Variants in NPSR1 observed in about 807,000 individuals in gnomAD.
NPSR1 encodes the protein neuropeptide S receptor.
A neutral mutation model predicts 46.9 loss-of-function variants in NPSR1; 48 were observed. The ratio of observed to expected loss-of-function variants is 1.02; its 90% CI spans 0.81 to 1.30. The LOEUF (loss-of-function observed/expected upper bound fraction) is 1.30, where lower values mean the gene tolerates loss of function less well. Ranked by LOEUF, NPSR1 falls within the 50% of genes most tolerant of loss-of-function variation. The pLI, the probability that NPSR1 is intolerant of heterozygous loss-of-function variation, is 0.00. For synonymous variants in NPSR1, 176 were observed against 168.1 expected, an observed-to-expected ratio of 1.05 and a Z score of -0.36; for missense variants, 450 against 449.5, an observed-to-expected ratio of 1.00 and a Z score of -0.01.
intron 2 of NPSR1, chr7:34,752,075 G>A: frequency 1.6e-6 from 1 of 609,596 alleles, no homozygotes; most frequent in African/African-American, 1.8e-5. Flanking sequence ...TGCAACCGGT[G>A]ACGGGGAGAA....
intron 3 of NPSR1, 65 bp from the exon 4 acceptor site, chr7:34,811,705 C>A: frequency 8.9e-7 from 1 of 1,124,824 alleles, no homozygotes; most frequent in Non-Finnish European, 1.3e-6. Flanking sequence ...AGGTGCTATT[C>A]TTTCCATTAT....
chr7:34,869,580 T>C lies in NPSR1; in HGVS notation c.1026-8496T>C, dbSNP rs964385003. Among the ~76,000 whole-genome samples, 6 of 151,720 alleles carry C rather than the reference T, an allele frequency of 4.0e-5. 1 individual carries two copies. The highest frequency in any genetic ancestry group is 1.5e-4 in the African/African-American group (6 of 41,008). The stretch of plus-strand genomic sequence containing the variant: ...AGGGCCCTCCTTACCTCTAGCAATG[T>C]TCCCGGACTTCCTATACCCTTGGGG... On this transcript the variant is annotated intron_variant, in intron 8 of 8. Coordinates refer to the NPSR1 transcript ENST00000359791.
chr7:34,779,602 T>G (rs1375396137), intron 3 of NPSR1: 2 of 1,275,096 alleles, frequency 1.6e-6, no homozygotes, highest in Non-Finnish European at 2.0e-6. Flanking sequence ...TACAATCTTC[T>G]TTTGTGCTCT....
chr7:34,823,417 C>CAAAAAAAAAAAAAAAAAAAAAA (rs79081202), intron 4 of NPSR1, among the ~76,000 whole-genome samples: 2 of 103,958 alleles, frequency 1.9e-5, no homozygotes, highest in Non-Finnish European at 3.7e-5. Context: ...AAAAAAAAAA[C>CAAAAAAAAAAAAAAAAAAAAAA]AACACCATAA....
At chr7:34,728,075 GTTTTT>G (rs934954426) in intron 2 of NPSR1, among the ~76,000 whole-genome samples, 1 of 150,894 alleles carries the variant, frequency 6.6e-6, no homozygotes, top group Non-Finnish European at 1.5e-5. Context: ...TGAGGTGTAA[GTTTTT>G]TTTATTATTA....
intron 2 of NPSR1, among the ~76,000 whole-genome samples, chr7:34,778,011 G>A (rs1222090932): frequency 1.3e-5 from 2 of 152,124 alleles, no homozygotes; most frequent in Non-Finnish European, 2.9e-5. Context: ...CACTAAGACT[G>A]GGCATAAGGA....
intron 2 of NPSR1, among the ~76,000 whole-genome samples, chr7:34,693,318 C>A (rs981795904): frequency 8.1e-5 from 10 of 123,114 alleles, no homozygotes; most frequent in African/African-American, 3.8e-4. Flanking sequence ...GAAATTACAA[C>A]TGATACTATA....
intron 6 of NPSR1, among the ~76,000 whole-genome samples, chr7:34,843,628 T>G (rs1204923136): frequency 6.6e-6 from 1 of 152,228 alleles, no homozygotes; most frequent in Non-Finnish European, 1.5e-5. Flanking sequence ...TTTCAGCCCT[T>G]CTAGTCAGCC....
At chr7:34,728,054 A>AC (rs534050531) in intron 2 of NPSR1, among the ~76,000 whole-genome samples, 21 of 146,840 alleles carry the variant, frequency 1.4e-4, no homozygotes, top group Non-Finnish European at 2.7e-4. Context: ...AACTGCCTTT[A>AC]TTTTTTTTTT....
At position 34,827,512 on chromosome 7, in the gene NPSR1, G is replaced by C. The variant is rs34705969; in HGVS notation, c.590G>C (p.Cys197Ser). 3.1e-6 allele frequency: 5 copies of C among 1,614,072 alleles called. No homozygotes were observed. The East Asian group carries it at 8.9e-5, about 29-fold the overall frequency. Residue 197 changes from cysteine (C) to serine (S), a missense_variant, in exon 5 of 9, where the codon TGC becomes TCC. Coordinates refer to ENST00000360581, the MANE Select transcript of NPSR1 (RefSeq NM_207172.2). Reference protein sequence around the residue: ...KRTLSNGEVQCWALWPDDSYW... With the variant: ...KRTLSNGEVQSWALWPDDSYW... Reference sequence around the variant, plus strand: ...ACACTGTCCAACGGTGAAGTGCAGTGCTGGGCCCTGTGGCCTGACGACTCC... The same window carrying C: ...ACACTGTCCAACGGTGAAGTGCAGTCCTGGGCCCTGTGGCCTGACGACTCC...
At position 34,764,497 on chromosome 7, in the gene NPSR1, A is replaced by G. The variant is rs112363932; in HGVS notation, c.281-13965A>G. Among the ~76,000 whole-genome samples, 216 of 152,342 alleles carry G rather than the reference A, an allele frequency of 1.4e-3. 3 individuals are homozygous for G. The highest frequency in any genetic ancestry group is 4.6e-3 in the African/African-American group (192 of 41,592). ...AATTGTCTATGGTTGCTTCCACTCT[A>G]CAATGGCAGATTTGAGTAGCTGTTA... On this transcript the variant is annotated intron_variant, in intron 2 of 8. Transcript: ENST00000360581.
At chr7:34,828,597 C>T (rs551815197) in intron 5 of NPSR1, among the ~76,000 whole-genome samples, 41 of 152,238 alleles carry the variant, frequency 2.7e-4, no homozygotes, top group Admixed American at 5.9e-4. Flanking sequence ...TTGGGTAGGT[C>T]TAAGCCTGCC....
intron 2 of NPSR1, among the ~76,000 whole-genome samples, chr7:34,703,596 T>G (rs1444536479): frequency 2.0e-5 from 3 of 152,078 alleles, no homozygotes; most frequent in Non-Finnish European, 2.9e-5. Flanking sequence ...CTCCACAATT[T>G]TGATCCCTTC....
At chr7:34,832,481 T>C (rs1790164850) in intron 5 of NPSR1, among the ~76,000 whole-genome samples, 2 of 152,138 alleles carry the variant, frequency 1.3e-5, no homozygotes, top group Non-Finnish European at 2.9e-5. Flanking sequence ...GACACTGTAC[T>C]CCAGCCTGGG....
At chr7:34,797,434 G>A (rs886910525) in intron 3 of NPSR1, among the ~76,000 whole-genome samples, 1 of 152,148 alleles carries the variant, frequency 6.6e-6, no homozygotes, top group Non-Finnish European at 1.5e-5. Flanking sequence ...GGGACAGGGG[G>A]TTTATGGGAA....
chr7:34,793,056 T>C (rs542965859), intron 3 of NPSR1, among the ~76,000 whole-genome samples: 4 of 151,716 alleles, frequency 2.6e-5, no homozygotes, highest in Non-Finnish European at 2.9e-5. Context: ...ACCAGGCATA[T>C]TGGCATGAGT....
At chr7:34,701,623 C>A (rs1583838645) in intron 2 of NPSR1, among the ~76,000 whole-genome samples, 1 of 152,292 alleles carries the variant, frequency 6.6e-6, no homozygotes, top group East Asian at 1.9e-4. Flanking sequence ...GCTATCGAAC[C>A]TAGGAGAGTA....
intron 2 of NPSR1, among the ~76,000 whole-genome samples, chr7:34,765,661 A>G (rs1786393035): frequency 6.6e-6 from 1 of 152,220 alleles, no homozygotes; most frequent in Admixed American, 6.5e-5. Context: ...TACCAAAGAC[A>G]TGGAATCAAC....
chr7:34,788,562 G>A (rs940409717), intron 3 of NPSR1, among the ~76,000 whole-genome samples: 3 of 152,022 alleles, frequency 2.0e-5, no homozygotes, highest in Non-Finnish European at 4.4e-5. Flanking sequence ...GTAAAACAGG[G>A]CAAATAAGGT....
Sources: allele counts gnomAD v4.1 joint callset (sites outside exome capture counted in the v4.1 genomes callset), GRCh38; gene constraint gnomAD v4.1.1; transcripts MANE v1.5; gene names NCBI Gene and HGNC (gene_info 2026-07-23, HGNC 2026-07-21).